Variants in TOX observed in about 807,000 individuals in gnomAD.
TOX encodes thymocyte selection associated high mobility group box.
TOX carries 11 observed loss-of-function variants against 53.7 expected under a neutral mutation model. The ratio of observed to expected loss-of-function variants is 0.20; its 90% confidence interval spans 0.13 to 0.34. The LOEUF (loss-of-function observed/expected upper bound fraction) is 0.34, where lower values mean the gene tolerates loss of function less well. TOX is among the 10% of genes least tolerant of loss of function. The pLI is 1.00. For synonymous variants in TOX, 225 were observed against 245.3 expected (o/e 0.92, Z 0.77); for missense variants, 570 against 664.6 (o/e 0.86, Z 1.56).
chr8:58,974,783 T>C (rs1246122468), intron 1 of TOX, among the ~76,000 whole-genome samples: 1 of 152,184 alleles, frequency 6.6e-6, no homozygotes, highest in Non-Finnish European at 1.5e-5. Context: ...AGGATTCTAT[T>C]TATCCTTTCA....
chr8:59,004,190 T>C (rs1033652901), intron 1 of TOX, among the ~76,000 whole-genome samples: 13 of 152,232 alleles, frequency 8.5e-5, no homozygotes, highest in African/African-American at 3.1e-4. Flanking sequence ...CACTGTAAGC[T>C]ATGGTTTATA....
rs1016149972 is a variant in TOX, at chr8:58,807,562, TA to T, written c.*184del. The T allele has an allele frequency of 8.3e-6, 5 of 604,580 alleles. No individual in the cohort carries two copies. The highest frequency in any genetic ancestry group is 3.7e-5 in the African/African-American group (2 of 54,000). The allele number at this position is 604,580 out of a possible 1,614,324, so 37.5% of individuals were successfully genotyped here. On this transcript the variant is annotated 3_prime_UTR_variant, in exon 9 of 9. Coordinates refer to ENST00000361421, the MANE Select transcript of TOX (RefSeq NM_014729.3). ...AAGAAAAACAATGTCCATAAAGGAT[TA>T]AAAAAATAATAAAGAAGCATGACTA... is the stretch of plus-strand genomic sequence containing the variant.
At chr8:59,039,371 C>G (rs567642851) in intron 1 of TOX, among the ~76,000 whole-genome samples, 1 of 152,272 alleles carries the variant, frequency 6.6e-6, no homozygotes, top group East Asian at 1.9e-4. Context: ...GTGGAAATAA[C>G]TATTGTTACA....
At chr8:58,852,296 A>G (rs1400190700) in intron 3 of TOX, among the ~76,000 whole-genome samples, 1 of 152,198 alleles carries the variant, frequency 6.6e-6, no homozygotes, top group Admixed American at 6.5e-5. Flanking sequence ...GTTAATAAGT[A>G]TACTCTTGTA....
At position 58,987,959 on chromosome 8, in the gene TOX, A is replaced by G. The variant is rs559563706; in HGVS notation, c.103-27951T>C. 1.0e-3 allele frequency among the ~76,000 whole-genome samples: 158 copies of G among 152,354 alleles called. 1 individual carries two copies. The highest frequency in any genetic ancestry group is 3.7e-3 in the African/African-American group (152 of 41,586). ...GAGAAAAGAAGCTGGCCTAAATGAC[A>G]TAACTAGTTGAAAGTAATACAGGAA... On this transcript the variant is annotated intron_variant, in intron 1 of 8. Transcript: ENST00000361421.
intron 3 of TOX, among the ~76,000 whole-genome samples, chr8:58,883,621 T>A (rs1443115210): frequency 1.3e-5 from 2 of 152,234 alleles, no homozygotes; most frequent in Non-Finnish European, 1.5e-5. Context: ...GATTTTAAAA[T>A]CTAATTTTAA....
chr8:59,070,734 T>C lies in TOX; in HGVS notation c.102+48152A>G, dbSNP rs377041828. On this transcript the variant is annotated intron_variant, in intron 1 of 8. Transcript: ENST00000361421. ...TAGATGTTGTGGCTAGAAGAAAGTA[T>C]TTGTTCATTTAGTGACCTCTATTTC... is the stretch of plus-strand genomic sequence containing the variant. 5.9e-5 allele frequency among the ~76,000 whole-genome samples: 9 copies of C among 152,282 alleles called. No individual in the cohort carries two copies. The South Asian group carries it at 1.0e-3, about 18-fold the overall frequency.
chr8:59,094,694 G>C (rs1804684544), intron 1 of TOX, among the ~76,000 whole-genome samples: 1 of 152,062 alleles, frequency 6.6e-6, no homozygotes, highest in Non-Finnish European at 1.5e-5. Flanking sequence ...AGTGCAGAAG[G>C]ACCTCTGAAG....
At chr8:58,920,695 C>T (rs557897109) in intron 3 of TOX, among the ~76,000 whole-genome samples, 15 of 68,600 alleles carry the variant, frequency 2.2e-4, no homozygotes, top group Middle Eastern at 0.011. Context: ...TACCCTAAAA[C>T]TTAAAGTATA....
intron 1 of TOX, among the ~76,000 whole-genome samples, chr8:59,010,988 GGAAAT>G (rs1471853916): frequency 6.6e-6 from 1 of 152,092 alleles, no homozygotes; most frequent in Non-Finnish European, 1.5e-5. Context: ...CCTTGCTTTG[GGAAAT>G]GAAATAAAGT....
intron 1 of TOX, among the ~76,000 whole-genome samples, chr8:59,067,427 G>A (rs566383278): frequency 5.3e-5 from 8 of 152,066 alleles, no homozygotes; most frequent in Admixed American, 4.6e-4. Flanking sequence ...GATGGTGCAC[G>A]CCTGTAATCC....
intron 1 of TOX, among the ~76,000 whole-genome samples, chr8:58,972,229 GT>G (rs1813015091): frequency 1.3e-5 from 2 of 152,214 alleles, no homozygotes; most frequent in African/African-American, 4.8e-5. Flanking sequence ...CTCTTGCAAT[GT>G]TTTTATTTGG....
At chr8:59,067,220 A>G (rs1381565927) in intron 1 of TOX, among the ~76,000 whole-genome samples, 2 of 152,202 alleles carry the variant, frequency 1.3e-5, no homozygotes, top group African/African-American at 4.8e-5. Flanking sequence ...AAATAAAACA[A>G]TCTTAAAGAT....
intron 7 of TOX, among the ~76,000 whole-genome samples, chr8:58,808,708 G>A (rs982017858): frequency 1.3e-5 from 2 of 152,146 alleles, no homozygotes; most frequent in African/African-American, 4.8e-5. Context: ...TGTTTTATTA[G>A]ACTACACCTA....
At chr8:58,881,915 G>A (rs1563378396) in intron 3 of TOX, among the ~76,000 whole-genome samples, 1 of 152,140 alleles carries the variant, frequency 6.6e-6, no homozygotes, top group Non-Finnish European at 1.5e-5. Flanking sequence ...CTTTTTCTCA[G>A]AGGAGGAAAC....
At chr8:59,077,616 C>G (rs1219704821) in intron 1 of TOX, among the ~76,000 whole-genome samples, 2 of 152,138 alleles carry the variant, frequency 1.3e-5, no homozygotes. Context: ...TGCTGCTGCT[C>G]CAATCCCCTC....
At chr8:59,056,773 A>G (rs1803896983) in intron 1 of TOX, among the ~76,000 whole-genome samples, 1 of 152,236 alleles carries the variant, frequency 6.6e-6, no homozygotes. Flanking sequence ...ATGCTTCCCT[A>G]GAGTCCCACA....
At chr8:58,894,675 C>T (rs1420215928) in intron 3 of TOX, among the ~76,000 whole-genome samples, 1 of 150,456 alleles carries the variant, frequency 6.6e-6, no homozygotes, top group Non-Finnish European at 1.5e-5. Flanking sequence ...GGGTGGATCA[C>T]TTGAGGTCAG....
At chr8:58,811,571 A>G (rs192927404) in intron 7 of TOX, among the ~76,000 whole-genome samples, 7 of 152,282 alleles carry the variant, frequency 4.6e-5, no homozygotes, top group East Asian at 3.9e-4. Flanking sequence ...ACAGGCATCA[A>G]TGTTTTTGTC....
Sources: allele counts gnomAD v4.1 joint callset (sites outside exome capture counted in the v4.1 genomes callset), GRCh38; gene constraint gnomAD v4.1.1; transcripts MANE v1.5; gene names NCBI Gene and HGNC (gene_info 2026-07-23, HGNC 2026-07-21).